MYT1L: variants seen among roughly 807,000 people sequenced by gnomAD.
MYT1L encodes myelin transcription factor 1-like protein.
A neutral mutation model predicts 126.7 loss-of-function variants in MYT1L; 12 were observed. The observed-to-expected ratio is 0.09, with a 90% confidence interval of 0.06 to 0.15. MYT1L has a LOEUF of 0.15. Among genes scored for constraint, MYT1L ranks in the 10% least tolerant of loss-of-function variants. The pLI, the probability that MYT1L is intolerant of heterozygous loss-of-function variation, is 1.00. For missense variants in MYT1L, 979 were observed against 1,585.2 expected (o/e 0.62, Z 6.49); for synonymous variants, 541 against 604.2 (o/e 0.90, Z 1.53).
In MYT1L at chr2:1,887,034, C is replaced by T. The variant is rs2048257157; in HGVS notation, c.2643-427G>A. 2.0e-5 allele frequency: 8 copies of T among 405,648 alleles called. No homozygotes were observed. In the South Asian group the frequency reaches 9.4e-4, roughly 48 times the overall value. The allele number at this position is 405,648 out of a possible 1,614,324, so 25.1% of individuals were successfully genotyped here. A position where few individuals can be genotyped will look rare whatever the true frequency, so the allele number is the denominator to read the frequency against. On this transcript the variant is annotated intron_variant, in intron 17 of 24. Coordinates refer to ENST00000647738, the MANE Select transcript of MYT1L (RefSeq NM_001303052.2). This position sits in a 1 kb window ranked among gnomAD's most constrained non-coding sequence, Gnocchi z 4.8. The stretch of plus-strand genomic sequence containing the variant: ...AACAATAAATTGAAAAGACAGAATC[C>T]ACCATGAGAAAAATGAAGTCACACC...
intron 21 of MYT1L, among the ~76,000 whole-genome samples, chr2:1,835,506 T>C (rs1039668073): frequency 6.6e-6 from 1 of 152,210 alleles, no homozygotes; most frequent in Non-Finnish European, 1.5e-5. Context: ...CTAACACTAC[T>C]GAACCATACA....
intron 1 of MYT1L, among the ~76,000 whole-genome samples, chr2:2,313,185 T>C (rs1018434407): frequency 1.3e-5 from 2 of 152,204 alleles, no homozygotes; most frequent in African/African-American, 2.4e-5. Context: ...CTCCATGTCC[T>C]TGGCATAGTA....
rs186767355 is a variant in MYT1L, at chr2:1,848,897, C to T, written c.2774+2744G>A. On this transcript the variant is annotated intron_variant, in intron 19 of 24. Transcript: ENST00000647738. This position sits in a 1 kb window ranked among gnomAD's most constrained non-coding sequence, Gnocchi z 4.8. ...GAACAAGTAACGTCACAAGGTGCTC[C>T]ACCTTCAGTACGCTAAAACCCCGAG... Among the ~76,000 whole-genome samples the T allele has an allele frequency of 6.6e-6, 1 of 152,286 alleles. No individual in the cohort carries two copies. Among genetic ancestry groups the T allele is most frequent in the East Asian group, 1.9e-4 (1 of 5,176 alleles).
intron 19 of MYT1L, among the ~76,000 whole-genome samples, chr2:1,851,110 A>T (rs1252931034): frequency 6.6e-6 from 1 of 152,146 alleles, no homozygotes; most frequent in Non-Finnish European, 1.5e-5. Context: ...AATTTTTGTT[A>T]TCTCACATGA....
intron 1 of MYT1L, among the ~76,000 whole-genome samples, chr2:2,328,139 A>T (rs1338079581): frequency 6.6e-6 from 1 of 152,174 alleles, no homozygotes; most frequent in Non-Finnish European, 1.5e-5. Context: ...TCAATTTTTT[A>T]ATTTTAAGTA....
chr2:1,799,276 A>C (rs1462543045), intron 23 of MYT1L, among the ~76,000 whole-genome samples: 1 of 152,208 alleles, frequency 6.6e-6, no homozygotes, highest in Non-Finnish European at 1.5e-5. Flanking sequence ...ACAGACACAG[A>C]CCTGAGTGTT....
At chr2:2,190,555 T>TAAAAAAAAAAA (rs777939174) in intron 2 of MYT1L, among the ~76,000 whole-genome samples, 2 of 108,430 alleles carry the variant, frequency 1.8e-5, no homozygotes, top group Middle Eastern at 6.0e-3. Context: ...CAAGACCTGT[T>TAAAAAAAAAAA]AAAAAAAAAA....
intron 8 of MYT1L, among the ~76,000 whole-genome samples, chr2:1,966,273 A>G (rs2059348862): frequency 6.6e-6 from 1 of 151,840 alleles, no homozygotes; most frequent in South Asian, 2.1e-4. Flanking sequence ...CTTACTCACC[A>G]CTCTTTCTTC....
intron 3 of MYT1L, among the ~76,000 whole-genome samples, chr2:2,151,927 G>A (rs541397119): frequency 1.3e-5 from 2 of 152,110 alleles, no homozygotes; most frequent in East Asian, 3.9e-4. Flanking sequence ...GTGGTGGCAG[G>A]TGCCTGTAAT....
rs2053655769 is a variant in MYT1L at position 1,922,254 on chromosome 2, A to T, written c.1483+32T>A. 1 of 1,600,882 alleles carries T rather than the reference A, an allele frequency of 6.2e-7. No homozygotes were observed. The highest frequency in any genetic ancestry group is 2.2e-5 in the East Asian group (1 of 44,678). ...ATCCTTTACCCTAGCTCATGTTTTC[A>T]TGAGGCAACTTACGTTAGGTAGAAA... On this transcript the variant is annotated intron_variant, in intron 10 of 24. Coordinates refer to ENST00000647738, the MANE Select transcript of MYT1L (RefSeq NM_001303052.2). The surrounding 1 kb of genome is among the most constrained non-coding windows in gnomAD (Gnocchi z 7.4).
At chr2:1,797,940 ACAGGCGCGGCGGTCTCCCCCTTC>A (rs1160256967) in intron 23 of MYT1L, among the ~76,000 whole-genome samples, 5 of 33,394 alleles carry the variant, frequency 1.5e-4, no homozygotes, top group Non-Finnish European at 2.8e-4. Flanking sequence ...CTTCTCCGGC[ACAGGCGCGGCGGTCTCCCCCTTC>A]TCCGGCACAG....
At chr2:2,142,514 A>G (rs568659317) in intron 3 of MYT1L, among the ~76,000 whole-genome samples, 54 of 151,776 alleles carry the variant, frequency 3.6e-4, no homozygotes, top group Non-Finnish European at 5.7e-4. Context: ...TGAAGCGTCA[A>G]CTCCCTGGGC....
chr2:1,850,867 C>T (rs1051544216), intron 19 of MYT1L, among the ~76,000 whole-genome samples: 14 of 152,152 alleles, frequency 9.2e-5, no homozygotes. Context: ...TAAATCCCCA[C>T]TTGTCCTCAT....
chr2:2,282,233 T>G (rs139827302), intron 2 of MYT1L, among the ~76,000 whole-genome samples: 1 of 152,350 alleles, frequency 6.6e-6, no homozygotes, highest in East Asian at 1.9e-4. Flanking sequence ...ACACAGTGTA[T>G]TGCACGTAGT....
chr2:1,881,707 TGGG>T (rs1310130159), intron 18 of MYT1L, among the ~76,000 whole-genome samples: 1 of 152,074 alleles, frequency 6.6e-6, no homozygotes, highest in Non-Finnish European at 1.5e-5. Flanking sequence ...TGGCCACCAC[TGGG>T]CGGGTCTCAG....
intron 2 of MYT1L, among the ~76,000 whole-genome samples, chr2:2,259,587 G>A (rs1203821099): frequency 6.6e-6 from 1 of 152,012 alleles, no homozygotes; most frequent in Non-Finnish European, 1.5e-5. Context: ...TGTCCCCAAA[G>A]TGAAAATTGT....
intron 21 of MYT1L, among the ~76,000 whole-genome samples, chr2:1,813,874 A>C (rs1376402572): frequency 1.1e-5 from 1 of 94,678 alleles, no homozygotes; most frequent in Non-Finnish European, 2.2e-5. Context: ...AGAAATACAA[A>C]AAATTAGCCG....
chr2:1,837,997 C>T (rs920047888), intron 21 of MYT1L, among the ~76,000 whole-genome samples: 3 of 151,826 alleles, frequency 2.0e-5, no homozygotes, highest in African/African-American at 4.8e-5. Context: ...CTGCAACCTC[C>T]GCCCCCTGGG....
At chr2:2,218,851 T>A (rs2093769519) in intron 2 of MYT1L, among the ~76,000 whole-genome samples, 1 of 152,098 alleles carries the variant, frequency 6.6e-6, no homozygotes, top group Admixed American at 6.6e-5. Context: ...GAGTCTAAGG[T>A]GAGGGCAGAG....
Sources: allele counts gnomAD v4.1 joint callset (sites outside exome capture counted in the v4.1 genomes callset), GRCh38; gene constraint gnomAD v4.1.1; non-coding constraint Gnocchi (gnomAD v3.1); transcripts MANE v1.5; gene names NCBI Gene and HGNC (gene_info 2026-07-23, HGNC 2026-07-21).